The following NAALADL2 variants were observed in gnomAD, a reference collection of about 807,000 sequenced individuals.
NAALADL2 encodes the protein N-acetylated alpha-linked acidic dipeptidase like 2.
A neutral mutation model predicts 87.2 loss-of-function variants in NAALADL2; 76 were observed. The ratio of observed to expected loss-of-function variants is 0.87; its 90% CI spans 0.72 to 1.05. NAALADL2 has a LOEUF of 1.05. Among genes scored for constraint, NAALADL2 ranks in the 50% least tolerant of loss-of-function variants. NAALADL2 has a pLI of 0.00. For missense variants in NAALADL2, 1,089 were observed against 945.8 expected, an observed-to-expected ratio of 1.15 and a Z score of -1.99; for synonymous variants, 354 against 331.0, an observed-to-expected ratio of 1.07 and a Z score of -0.75.
intron 1 of NAALADL2, among the ~76,000 whole-genome samples, chr3:175,000,445 C>T (rs1748081320): frequency 1.3e-5 from 2 of 152,152 alleles, no homozygotes; most frequent in East Asian, 3.8e-4. Flanking sequence ...GTACTCAAGT[C>T]TTTCAGGGTG....
chr3:174,986,744 T>G lies in NAALADL2; in HGVS notation c.44-110046T>G, dbSNP rs751682326. On this transcript the variant is annotated intron_variant, in intron 1 of 13. Coordinates refer to ENST00000454872, the MANE Select transcript of NAALADL2 (RefSeq NM_207015.3). ...AAGATGGTTTAGAATGATAACTTCA[T>G]GAATATTGGGTAGTAAATTACTTAC... is the stretch of plus-strand genomic sequence containing the variant. 8.5e-5 allele frequency among the ~76,000 whole-genome samples: 13 copies of G among 152,164 alleles called. No homozygotes were observed. In the East Asian group the frequency reaches 2.3e-3, roughly 27 times the overall value.
At chr3:175,177,533 T>C (rs967537460) in intron 2 of NAALADL2, among the ~76,000 whole-genome samples, 1 of 152,096 alleles carries the variant, frequency 6.6e-6, no homozygotes, top group Non-Finnish European at 1.5e-5. Context: ...AACGTAACAG[T>C]AGTGAGCTAT....
chr3:175,093,413 T>TA (rs369517008), intron 1 of NAALADL2, among the ~76,000 whole-genome samples: 32,902 of 113,270 alleles, frequency 0.29, 4,242 homozygotes, highest in Non-Finnish European at 0.33. Flanking sequence ...TCATTTTATT[T>TA]TTTTATATAT....
chr3:174,795,674 A>G (rs1717999783), intron 3 of NAALADL2, among the ~76,000 whole-genome samples: 1 of 152,150 alleles, frequency 6.6e-6, no homozygotes, highest in Non-Finnish European at 1.5e-5. Flanking sequence ...GAAAGCTCCA[A>G]TCTCTCCACA....
chr3:175,569,048 G>T (rs1329237728), intron 9 of NAALADL2, among the ~76,000 whole-genome samples: 1 of 152,140 alleles, frequency 6.6e-6, no homozygotes. Flanking sequence ...AGAAGCAAGT[G>T]AAAATAAAGA....
intron 5 of NAALADL2, among the ~76,000 whole-genome samples, chr3:175,423,835 C>G (rs2149132910): frequency 6.6e-6 from 1 of 152,284 alleles, no homozygotes; most frequent in East Asian, 1.9e-4. Context: ...CCTGAGGAAT[C>G]ACCACACTGA....
chr3:175,182,800 A>C (rs940100637), intron 2 of NAALADL2, among the ~76,000 whole-genome samples: 2 of 151,970 alleles, frequency 1.3e-5, no homozygotes, highest in Non-Finnish European at 2.9e-5. Flanking sequence ...AAATACAAAA[A>C]AATAATTGCC....
At chr3:174,865,143 C>T (rs1245027597) in intron 1 of NAALADL2, among the ~76,000 whole-genome samples, 1 of 151,844 alleles carries the variant, frequency 6.6e-6, no homozygotes, top group Admixed American at 6.6e-5. Context: ...ATTTACCTGC[C>T]TCTTTAAACC....
At chr3:174,967,124 C>A (rs1197692628) in intron 1 of NAALADL2, among the ~76,000 whole-genome samples, 1 of 152,050 alleles carries the variant, frequency 6.6e-6, no homozygotes, top group Non-Finnish European at 1.5e-5. Flanking sequence ...TGGATTATGT[C>A]TAATAAATCG....
At chr3:175,082,631 T>C (rs1342494860) in intron 1 of NAALADL2, among the ~76,000 whole-genome samples, 1 of 152,140 alleles carries the variant, frequency 6.6e-6, no homozygotes, top group Non-Finnish European at 1.5e-5. Context: ...GAAAGTCAAA[T>C]GTGATTTAGT....
chr3:175,015,639 A>G (rs952192118), intron 1 of NAALADL2, among the ~76,000 whole-genome samples: 1 of 152,140 alleles, frequency 6.6e-6, no homozygotes, highest in Non-Finnish European at 1.5e-5. Context: ...GAAGAAGGAA[A>G]TTGAAAATAT....
chr3:175,447,619 A>G (rs1160661710), intron 6 of NAALADL2, among the ~76,000 whole-genome samples: 1 of 152,244 alleles, frequency 6.6e-6, no homozygotes, highest in Non-Finnish European at 1.5e-5. Context: ...AAAGAAAAGT[A>G]GCTTTATAAA....
chr3:174,665,255 G>C (rs1725858016), intron 2 of NAALADL2, among the ~76,000 whole-genome samples: 1 of 152,082 alleles, frequency 6.6e-6, no homozygotes, highest in South Asian at 2.1e-4. Context: ...AAGAAAAATA[G>C]GAAATAAATT....
At chr3:175,048,594 T>C (rs1754976129) in intron 1 of NAALADL2, among the ~76,000 whole-genome samples, 1 of 151,872 alleles carries the variant, frequency 6.6e-6, no homozygotes, top group Admixed American at 6.6e-5. Flanking sequence ...AGACTTGAAG[T>C]AGCATTTCTC....
intron 2 of NAALADL2, among the ~76,000 whole-genome samples, chr3:175,132,680 C>T (rs1177523870): frequency 1.5e-5 from 2 of 134,824 alleles, no homozygotes; most frequent in African/African-American, 3.0e-5. Context: ...ACCTCCCTCC[C>T]GGACGGGGCA....
chr3:175,042,132 G>C (rs1479516729), intron 1 of NAALADL2, among the ~76,000 whole-genome samples: 1 of 152,028 alleles, frequency 6.6e-6, no homozygotes, highest in African/African-American at 2.4e-5. Context: ...TTCTGATTTA[G>C]ACTTTTTTTA....
intron 13 of NAALADL2, among the ~76,000 whole-genome samples, chr3:175,760,339 A>T (rs537870069): frequency 6.6e-6 from 1 of 152,296 alleles, no homozygotes; most frequent in Admixed American, 6.5e-5. Flanking sequence ...TTCCAGCTCT[A>T]CAGACTATTA....
intron 1 of NAALADL2, among the ~76,000 whole-genome samples, chr3:174,991,682 T>C (rs928211897): frequency 2.0e-5 from 3 of 152,062 alleles, no homozygotes; most frequent in Non-Finnish European, 1.5e-5. Context: ...TGATAAAAGC[T>C]GTCCTTGAGA....
chr3:174,948,162 CTTATTTAT>C (rs140866333), intron 1 of NAALADL2, among the ~76,000 whole-genome samples: 4 of 150,196 alleles, frequency 2.7e-5, no homozygotes, highest in South Asian at 4.2e-4. Context: ...CCATATAGAA[CTTATTTAT>C]TTATTTATTT....
Sources: allele counts gnomAD v4.1 joint callset (sites outside exome capture counted in the v4.1 genomes callset), GRCh38; gene constraint gnomAD v4.1.1; transcripts MANE v1.5; gene names NCBI Gene and HGNC (gene_info 2026-07-23, HGNC 2026-07-21).